KNL1: variants seen among roughly 807,000 people sequenced by gnomAD.
The protein encoded by KNL1 is outer kinetochore KNL1 complex subunit KNL1.
A neutral mutation model predicts 201.3 loss-of-function variants in KNL1; 66 were observed. The observed-to-expected ratio is 0.33, with a 90% CI of 0.27 to 0.40. The LOEUF (loss-of-function observed/expected upper bound fraction) is 0.40, where lower values mean the gene tolerates loss of function less well. Among genes scored for constraint, KNL1 ranks in the 10% least tolerant of loss-of-function variants. KNL1 has a pLI of 1.00. For synonymous variants in KNL1, 895 were observed against 899.2 expected, an observed-to-expected ratio of 1.00 and a Z score of 0.08; for missense variants, 2,815 against 2,690.5, an observed-to-expected ratio of 1.05 and a Z score of -1.02.
chr15:40,605,426 G>T (rs1438401618), intron 3 of KNL1, among the ~76,000 whole-genome samples: 1 of 152,168 alleles, frequency 6.6e-6, no homozygotes, highest in East Asian at 1.9e-4. Flanking sequence ...GTACAAAGCT[G>T]TTGCAAGAGA....
In KNL1 at chr15:40,621,070, A is replaced by C; in HGVS notation, c.806A>C (p.Asn269Thr). 6.2e-7 allele frequency: 1 copy of C among 1,612,608 alleles called. No individual in the cohort carries two copies. The highest frequency in any genetic ancestry group is 8.5e-7 in the Non-Finnish European group (1 of 1,179,414). ...CTTAAGGAAGATGAAAATAACAGTAATATTACTAGGCTCTTTAGAGAAAAA... is the reference window on the plus strand; with the variant it reads ...CTTAAGGAAGATGAAAATAACAGTACTATTACTAGGCTCTTTAGAGAAAAA... The part of the protein sequence containing the change: ...VSLKEDENNS[N>T]ITRLFREKDD... Residue 269 changes from asparagine to threonine, a missense_variant, in exon 10 of 26, where the codon AAT becomes ACT. Transcript: ENST00000399668.
intron 21 of KNL1, among the ~76,000 whole-genome samples, chr15:40,652,612 C>T (rs918430798): frequency 1.3e-5 from 2 of 151,458 alleles, no homozygotes; most frequent in African/African-American, 2.4e-5. Context: ...TCTACTAAAA[C>T]TACAAAAAAT....
At chr15:40,608,965 A>AT in intron 5 of KNL1, 57 bp downstream of exon 5, 1 of 1,151,130 alleles carries the variant, frequency 8.7e-7, no homozygotes, top group Non-Finnish European at 1.3e-6. Context: ...TTGTGTATCA[A>AT]ACCAAATGTA....
Position 40,622,717 on chromosome 15 carries a change from T to G in KNL1, c.2453T>G (p.Val818Gly). 1 of 1,588,594 alleles carries G rather than the reference T, an allele frequency of 6.3e-7. No individual in the cohort carries two copies. Among genetic ancestry groups the G allele is most frequent in the Non-Finnish European group, 8.5e-7 (1 of 1,170,848 alleles). Residue 818 changes from valine (V) to glycine (G), a missense_variant, in exon 10 of 26, where the codon GTG becomes GGG. This residue lies in a region of KNL1 where 2,464 missense variants were observed against 2,291.7 expected (regional missense o/e 1.08). Transcript: ENST00000399668. ...CGKSPIEKSG[V>G]LKSNCIMDVL... The stretch of plus-strand genomic sequence containing the variant: ...AAAAGTCCCATAGAAAAAAGTGGAG[T>G]GCTTAAATCTAACTGTATTATGGAT...
intron 21 of KNL1, 46 bp from the exon 22 acceptor site, chr15:40,654,859 ACTCT>A (rs561819010): frequency 7.3e-7 from 1 of 1,361,266 alleles, no homozygotes; most frequent in African/African-American, 1.4e-5. Flanking sequence ...ACAAAGTGAG[ACTCT>A]CTGTCTAAAA....
intron 9 of KNL1, 128 bp from the exon 10 acceptor site, chr15:40,620,512 C>A (rs1188050683): frequency 2.0e-5 from 11 of 562,124 alleles, no homozygotes. Context: ...ACATGCTACA[C>A]CATTGATTCA....
intron 1 of KNL1, among the ~76,000 whole-genome samples, chr15:40,600,936 ATG>A (rs1428746640): frequency 1.3e-5 from 2 of 152,226 alleles, no homozygotes; most frequent in African/African-American, 4.8e-5. Flanking sequence ...TGCTATTTTC[ATG>A]TGTTAAATTT....
chr15:40,610,852 C>T (rs1408844757), intron 6 of KNL1: 12 of 453,922 alleles, frequency 2.6e-5, no homozygotes, highest in Non-Finnish European at 4.0e-5. Flanking sequence ...TGGGTTTAAG[C>T]GATTCTCCTG....
intron 1 of KNL1, among the ~76,000 whole-genome samples, chr15:40,595,456 T>G (rs79226096): frequency 0.014 from 2,138 of 152,276 alleles, 53 homozygotes; most frequent in African/African-American, 0.048. Flanking sequence ...TGGTAAAATT[T>G]TGGTAATTAA....
intron 14 of KNL1, among the ~76,000 whole-genome samples, chr15:40,642,315 C>T (rs1893254567): frequency 6.6e-6 from 1 of 151,590 alleles, no homozygotes; most frequent in Non-Finnish European, 1.5e-5. Flanking sequence ...GGGAGAATGG[C>T]GCGAACCCAG....
At chr15:40,629,191 A>T in intron 12 of KNL1, 82 bp from the exon 13 acceptor site, 1 of 738,560 alleles carries the variant, frequency 1.4e-6, no homozygotes, top group Non-Finnish European at 2.2e-6. Context: ...AAGATACCTT[A>T]AGCTTTTAGA....
Position 40,659,723 on chromosome 15 carries a change from G to A in KNL1, c.6836+262G>A, listed in dbSNP as rs1474848453. On this transcript the variant is annotated intron_variant, in intron 25 of 25. Coordinates refer to ENST00000399668, the MANE Select transcript of KNL1 (RefSeq NM_144508.5). ...TCTCGATCTCCTGACCTCGTGGTCC[G>A]CCCACCTCGGCCTCCCAAAGTGCTG... Among the ~76,000 whole-genome samples, 6 of 151,956 alleles carry A rather than the reference G, an allele frequency of 3.9e-5. No homozygotes were observed. The South Asian group carries it at 6.2e-4, about 16-fold the overall frequency.
chr15:40,618,440 A>G (rs1374830061), intron 8 of KNL1, among the ~76,000 whole-genome samples: 2 of 152,072 alleles, frequency 1.3e-5, no homozygotes, highest in Non-Finnish European at 2.9e-5. Context: ...TCAGAATCCT[A>G]CCCTAACCTT....
chr15:40,627,214 A>T (rs1892779632), intron 10 of KNL1, among the ~76,000 whole-genome samples: 1 of 152,224 alleles, frequency 6.6e-6, no homozygotes, highest in South Asian at 2.1e-4. Context: ...GCATTTACAT[A>T]AAAGAATATA....
At position 40,606,304 on chromosome 15, in the gene KNL1, T is replaced by A. The variant is rs958386828; in HGVS notation, c.76-89T>A. The A allele has an allele frequency of 6.7e-6, 5 of 750,106 alleles. No homozygotes were observed. The African/African-American group carries it at 8.8e-5, about 13-fold the overall frequency. The allele number at this position is 750,106 out of a possible 1,614,324, so 46.5% of individuals were successfully genotyped here. On this transcript the variant is annotated intron_variant, in intron 3 of 25. Coordinates refer to ENST00000399668, the MANE Select transcript of KNL1 (RefSeq NM_144508.5). ...GTTTCAGAGTTTTTAATGAAAATTT[T>A]AGCTTTCTACCTATGATATAACTTG...
At chr15:40,601,687 C>T (rs975081467) in intron 1 of KNL1, among the ~76,000 whole-genome samples, 3 of 151,058 alleles carry the variant, frequency 2.0e-5, no homozygotes, top group Non-Finnish European at 3.0e-5. Context: ...CGGGCGCGGT[C>T]GTGGGCGCCT....
At chr15:40,606,713 C>T (rs950416753) in intron 4 of KNL1, among the ~76,000 whole-genome samples, 1 of 152,202 alleles carries the variant, frequency 6.6e-6, no homozygotes, top group Non-Finnish European at 1.5e-5. Context: ...ATCTTCCCGC[C>T]TCAGCCTCCT....
intron 1 of KNL1, among the ~76,000 whole-genome samples, chr15:40,599,301 A>C (rs1891712305): frequency 6.8e-6 from 1 of 147,576 alleles, no homozygotes; most frequent in Non-Finnish European, 1.5e-5. Flanking sequence ...TCACAGAGCA[A>C]GATTCTGCCT....
At position 40,650,574 on chromosome 15, in the gene KNL1, A is replaced by T; in HGVS notation, c.6203A>T (p.Glu2068Val). 6.4e-7 allele frequency: 1 copy of T among 1,559,322 alleles called. No individual in the cohort carries two copies. ...GAACAGCTGAAAACTGAAGAAGAGG[A>T]GCTTCAAAGGTCAGCCTTCAATCCA... The part of the protein sequence containing the change: ...ELEQLKTEEE[E>V]LQRNLLELEV... Residue 2068 changes from glutamate (E) to valine (V), a missense_variant, in exon 19 of 26, where the codon GAG (glutamate) becomes GTG (valine). Physicochemically the swap from Glu to Val is moderately radical, Grantham distance 121. This residue lies in a region of KNL1 where 334 missense variants were observed against 362.6 expected (regional missense o/e 0.92). Coordinates refer to ENST00000399668, the MANE Select transcript of KNL1 (RefSeq NM_144508.5).
Sources: gnomAD v4.1 joint callset for allele counts (sites outside exome capture counted in the v4.1 genomes callset) on GRCh38, gnomAD v4.1.1 for gene constraint, gnomAD v4.1.1 regional missense constraint, MANE v1.5 for transcripts, NCBI Gene and HGNC (gene_info 2026-07-23, HGNC 2026-07-21) for gene names.